Variants in CCDC171 observed in about 807,000 individuals in gnomAD.
CCDC171 encodes the protein coiled-coil domain containing 171, also known as coiled-coil domain-containing protein 171.
In CCDC171, 177 loss-of-function variants were observed where a neutral mutation model predicts 168.2. The ratio of observed to expected loss-of-function variants is 1.05; its 90% confidence interval spans 0.93 to 1.19. CCDC171 has a LOEUF of 1.19. Among genes scored for constraint, CCDC171 ranks in the 50% most tolerant of loss-of-function variants. The probability of loss-of-function intolerance (pLI) is 0.00; values close to 1 mark genes in which losing one functional copy is unlikely to be tolerated. For synonymous variants in CCDC171, 687 were observed against 540.8 expected, an observed-to-expected ratio of 1.27 and a Z score of -3.75; for missense variants, 1,991 against 1,539.0, an observed-to-expected ratio of 1.29 and a Z score of -4.91.
chr9:15,835,737 T>C lies in CCDC171; in HGVS notation c.3268-10965T>C, dbSNP rs913909774. 7.5e-4 allele frequency among the ~76,000 whole-genome samples: 114 copies of C among 152,308 alleles called. 1 individual carries two copies. The highest frequency in any genetic ancestry group is 2.5e-3 in the African/African-American group (105 of 41,576). Reference sequence around the variant, plus strand: ...CCACTGCGCCTGGCTGTCAGTTGCATTTTTAATTACATAAAGTTTATACAT... The same window carrying C: ...CCACTGCGCCTGGCTGTCAGTTGCACTTTTAATTACATAAAGTTTATACAT... On this transcript the variant is annotated intron_variant, in intron 21 of 25. Coordinates refer to ENST00000380701, the MANE Select transcript of CCDC171 (RefSeq NM_173550.4).
At chr9:15,982,385 A>G (rs1396543489) in intron 3 of CCDC171, among the ~76,000 whole-genome samples, 1 of 152,128 alleles carries the variant, frequency 6.6e-6, no homozygotes, top group East Asian at 1.9e-4. Flanking sequence ...GGAGATAATG[A>G]TACCTTCTCT....
chr9:15,579,005 A>G lies in CCDC171; in HGVS notation c.334A>G (p.Ile112Val), dbSNP rs761386753. Residue 112 changes from isoleucine to valine, a missense_variant, in exon 4 of 26, where the codon ATC (isoleucine) becomes GTC (valine). By Grantham distance (29) the Ile-to-Val change is conservative. Coordinates refer to ENST00000380701, the MANE Select transcript of CCDC171 (RefSeq NM_173550.4). ...AGAAAGATTAGCCGAGGCACATAGG[A>G]TCCAAGAAAAACTCTGTGGTAAGAC... ...AEERLAEAHR[I>V]QEKLCAQNSE... 6.2e-7 allele frequency: 1 copy of G among 1,613,756 alleles called. No individual in the cohort carries two copies. The highest frequency in any genetic ancestry group is 2.2e-5 in the East Asian group (1 of 44,856).
chr9:15,598,546 G>C (rs1277311081), intron 6 of CCDC171, among the ~76,000 whole-genome samples: 1 of 152,118 alleles, frequency 6.6e-6, no homozygotes, highest in African/African-American at 2.4e-5. Context: ...TTTTACATTT[G>C]CTGAGGAGTG....
chr9:15,739,828 T>C lies in CCDC171; in HGVS notation c.2050-4445T>C, dbSNP rs10962129. Reference sequence around the variant, plus strand: ...TCTTGGCTCACTGCAACCTCTGCCTTCTGGGTTCAAGTGATTCTCCTGCCT... The same window carrying C: ...TCTTGGCTCACTGCAACCTCTGCCTCCTGGGTTCAAGTGATTCTCCTGCCT... On this transcript the variant is annotated intron_variant, in intron 16 of 25. Coordinates refer to ENST00000380701, the MANE Select transcript of CCDC171 (RefSeq NM_173550.4). Among the ~76,000 whole-genome samples, 44 of 151,818 alleles carry C rather than the reference T, an allele frequency of 2.9e-4. No individual in the cohort carries two copies. The East Asian group carries it at 7.6e-3, about 26-fold the overall frequency.
intron 24 of CCDC171, among the ~76,000 whole-genome samples, chr9:15,877,347 A>C (rs1019780083): frequency 3.3e-5 from 5 of 152,130 alleles, no homozygotes; most frequent in African/African-American, 1.2e-4. Context: ...GCCCTTGTAA[A>C]GATGAAGTAA....
the CCDC171 span, among the ~76,000 whole-genome samples, chr9:16,087,885 G>T: frequency 6.6e-6 from 1 of 151,938 alleles, no homozygotes; most frequent in South Asian, 2.1e-4. Flanking sequence ...GGCTGGTCCC[G>T]GTGATGACAA....
intron 6 of CCDC171, among the ~76,000 whole-genome samples, chr9:15,616,413 G>T (rs1220312869): frequency 6.6e-6 from 1 of 151,946 alleles, no homozygotes; most frequent in Non-Finnish European, 1.5e-5. Flanking sequence ...TAAATCTCAT[G>T]AGACTTCCTA....
At chr9:15,747,204 G>C (rs2055358488) in intron 18 of CCDC171, among the ~76,000 whole-genome samples, 1 of 152,200 alleles carries the variant, frequency 6.6e-6, no homozygotes, top group African/African-American at 2.4e-5. Flanking sequence ...CTAGATTCCA[G>C]CTCTGTGGAT....
At position 15,803,039 on chromosome 9, in the gene CCDC171, G is replaced by A. The variant is rs564216796; in HGVS notation, c.3267+18345G>A. Among the ~76,000 whole-genome samples the A allele has an allele frequency of 6.8e-4, 103 of 152,212 alleles. 1 individual carries two copies. The highest frequency in any genetic ancestry group is 6.8e-3 in the Middle Eastern group (2 of 294). On this transcript the variant is annotated intron_variant, in intron 21 of 25. Coordinates refer to ENST00000380701, the MANE Select transcript of CCDC171 (RefSeq NM_173550.4). ...TGAGCTTATTTTCATATGTTTGTTT[G>A]CCACATGAATGTTTTCTTTTGAGAA...
chr9:15,723,711 A>G lies in CCDC171; in HGVS notation c.1456A>G (p.Lys486Glu). 2 of 1,585,818 alleles carry G rather than the reference A, an allele frequency of 1.3e-6. No individual in the cohort carries two copies. The highest frequency in any genetic ancestry group is 1.7e-6 in the Non-Finnish European group (2 of 1,160,226). ...EKACNELDST[K>E]QKIDSHTKNI... Reference sequence around the variant, plus strand: ...GGCATGTAATGAACTTGATTCTACGAAACAGAAGATAGACTCTCACACTAA... The same window carrying G: ...GGCATGTAATGAACTTGATTCTACGGAACAGAAGATAGACTCTCACACTAA... The change falls in exon 13 of 26, where the codon AAA becomes GAA. Residue 486 changes from lysine to glutamate, a missense_variant. Transcript: ENST00000380701.
intron 23 of CCDC171, among the ~76,000 whole-genome samples, chr9:15,849,717 C>A (rs1309007641): frequency 6.6e-6 from 1 of 151,634 alleles, no homozygotes; most frequent in Non-Finnish European, 1.5e-5. Context: ...TTTAAAGATA[C>A]ATGGAATTTA....
intron 3 of CCDC171, among the ~76,000 whole-genome samples, chr9:16,009,388 A>G (rs969062226): frequency 2.6e-5 from 4 of 152,204 alleles, no homozygotes; most frequent in African/African-American, 9.7e-5. Flanking sequence ...AACCTAGTAT[A>G]CCACAGTTGT....
At chr9:16,027,058 G>A (rs1833288835) in intron 6 of CCDC171, among the ~76,000 whole-genome samples, 1 of 152,176 alleles carries the variant, frequency 6.6e-6, no homozygotes, top group Non-Finnish European at 1.5e-5. Context: ...TGGTGATGCA[G>A]GGCAGAAGTA....
intron 24 of CCDC171, among the ~76,000 whole-genome samples, chr9:15,879,150 C>T (rs1302227926): frequency 6.6e-6 from 1 of 152,148 alleles, no homozygotes; most frequent in Non-Finnish European, 1.5e-5. Flanking sequence ...GAAATTCTGC[C>T]ATTCAGACAC....
intron 3 of CCDC171, among the ~76,000 whole-genome samples, chr9:16,004,755 G>A (rs912475091): frequency 2.0e-5 from 3 of 152,166 alleles, no homozygotes; most frequent in African/African-American, 7.2e-5. Context: ...TTAGCAAAGG[G>A]TCTAAGTACT....
chr9:16,078,652 T>C, the CCDC171 span, among the ~76,000 whole-genome samples: 1 of 152,092 alleles, frequency 6.6e-6, no homozygotes, highest in Non-Finnish European at 1.5e-5. Flanking sequence ...ACTGATAGAT[T>C]ATCAGGAAAC....
rs530318224 is a variant in CCDC171, at chr9:15,858,773, A to G, written c.3468+9826A>G. Among the ~76,000 whole-genome samples the G allele has an allele frequency of 2.0e-5, 3 of 152,172 alleles. 1 individual carries two copies. In the South Asian group the frequency reaches 6.2e-4, roughly 32 times the overall value. On this transcript the variant is annotated intron_variant, in intron 23 of 25. Transcript: ENST00000380701. ...TACTGAACTAGGATGTTCCATACGT[A>G]AGGAATACTCATCTATTCTAAAGGG... is the stretch of plus-strand genomic sequence containing the variant.
At chr9:15,783,046 T>G (rs950752075) in intron 20 of CCDC171, among the ~76,000 whole-genome samples, 2 of 152,180 alleles carry the variant, frequency 1.3e-5, no homozygotes, top group Non-Finnish European at 2.9e-5. Flanking sequence ...TGTTGAGAAA[T>G]GCACTCTTAA....
chr9:15,912,648 C>G (rs987501561), intron 24 of CCDC171, among the ~76,000 whole-genome samples: 23 of 152,120 alleles, frequency 1.5e-4, no homozygotes, highest in African/African-American at 5.3e-4. Flanking sequence ...GGTTTTTGCC[C>G]ATTCAGTATG....
Sources: allele counts gnomAD v4.1 joint callset (sites outside exome capture counted in the v4.1 genomes callset), GRCh38; gene constraint gnomAD v4.1.1; transcripts MANE v1.5; gene names NCBI Gene and HGNC (gene_info 2026-07-23, HGNC 2026-07-21).